GRXCR1: variants seen among roughly 807,000 people sequenced by gnomAD.
The protein encoded by GRXCR1 is glutaredoxin domain-containing cysteine-rich protein 1.
A neutral mutation model predicts 27.3 loss-of-function variants in GRXCR1; 27 were observed. The ratio of observed to expected loss-of-function variants is 0.99; its 90% CI spans 0.73 to 1.37. The LOEUF (loss-of-function observed/expected upper bound fraction) is 1.37. Among genes scored for constraint, GRXCR1 ranks in the 40% most tolerant of loss-of-function variants. The probability of loss-of-function intolerance (pLI) is 0.00; values close to 1 mark genes in which losing one functional copy is unlikely to be tolerated. For missense variants in GRXCR1, 379 were observed against 354.4 expected (o/e 1.07, Z -0.56); for synonymous variants, 122 against 131.1 (o/e 0.93, Z 0.47).
At chr4:42,929,272 T>C (rs560246386) in intron 1 of GRXCR1, among the ~76,000 whole-genome samples, 2 of 152,128 alleles carry the variant, frequency 1.3e-5, no homozygotes, top group African/African-American at 4.8e-5. Context: ...CAAGGCCTTA[T>C]AAGGATTCAC....
chr4:42,914,310 C>T (rs1462540874), intron 1 of GRXCR1, among the ~76,000 whole-genome samples: 1 of 152,206 alleles, frequency 6.6e-6, no homozygotes, highest in Non-Finnish European at 1.5e-5. Flanking sequence ...GTGGAGCTGC[C>T]CAAGGCCATG....
At chr4:42,964,300 A>T (rs1157307057) in intron 2 of GRXCR1, among the ~76,000 whole-genome samples, 2 of 152,044 alleles carry the variant, frequency 1.3e-5, no homozygotes, top group Middle Eastern at 3.2e-3. Context: ...CTGTCATTTC[A>T]TGTAATCCTC....
At position 42,974,088 on chromosome 4, in the gene GRXCR1, G is replaced by T. The variant is rs191977080; in HGVS notation, c.627+10954G>T. Among the ~76,000 whole-genome samples the T allele has an allele frequency of 1.5e-4, 23 of 152,246 alleles. 1 individual carries two copies. The highest frequency in any genetic ancestry group is 1.3e-3 in the Admixed American group (20 of 15,262). On this transcript the variant is annotated intron_variant, in intron 2 of 3. Transcript: ENST00000399770. Reference sequence around the variant, plus strand: ...TTGCACTGAGACAGCAGGGTTTGCAGCAGAGAAAGAGTTTAATGATTGCAG... The same window carrying T: ...TTGCACTGAGACAGCAGGGTTTGCATCAGAGAAAGAGTTTAATGATTGCAG...
At chr4:42,942,834 T>TA (rs1372279801) in intron 1 of GRXCR1, among the ~76,000 whole-genome samples, 4 of 152,086 alleles carry the variant, frequency 2.6e-5, no homozygotes, top group Non-Finnish European at 5.9e-5. Context: ...TGGAAAGTAA[T>TA]AAAAAATAGA....
chr4:42,917,639 T>C (rs1746914035), intron 1 of GRXCR1, among the ~76,000 whole-genome samples: 2 of 152,108 alleles, frequency 1.3e-5, no homozygotes, highest in South Asian at 2.1e-4. Context: ...GAGGGCTTTT[T>C]AGAGTTCCTG....
chr4:42,967,542 C>T (rs1221415988), intron 2 of GRXCR1, among the ~76,000 whole-genome samples: 7 of 152,068 alleles, frequency 4.6e-5, no homozygotes, highest in Admixed American at 4.6e-4. Flanking sequence ...CCGTTTCAAC[C>T]TACTTATCTG....
chr4:42,972,935 G>T (rs548261085), intron 2 of GRXCR1, among the ~76,000 whole-genome samples: 2 of 151,890 alleles, frequency 1.3e-5, no homozygotes, highest in East Asian at 2.0e-4. Flanking sequence ...ACTTAGTAAC[G>T]TCCTGCTTTG....
At chr4:42,997,110 A>G (rs1220426978) in intron 2 of GRXCR1, among the ~76,000 whole-genome samples, 1 of 152,200 alleles carries the variant, frequency 6.6e-6, no homozygotes, top group Non-Finnish European at 1.5e-5. Flanking sequence ...ATTTTAATTT[A>G]TATAAATATG....
At chr4:42,950,618 A>G (rs974724405) in intron 1 of GRXCR1, among the ~76,000 whole-genome samples, 2 of 152,214 alleles carry the variant, frequency 1.3e-5, no homozygotes, top group Non-Finnish European at 2.9e-5. Flanking sequence ...TCTTCCAGCT[A>G]TGACACTTTG....
At chr4:43,030,312 A>G (rs775812599) in intron 3 of GRXCR1, 49 bp from the exon 4 acceptor site, 1 of 1,568,660 alleles carries the variant, frequency 6.4e-7, no homozygotes, top group Admixed American at 1.7e-5. Flanking sequence ...TGAGTTGTTC[A>G]TGCTAACACA....
intron 2 of GRXCR1, among the ~76,000 whole-genome samples, chr4:42,981,471 T>C (rs1257987587): frequency 6.6e-6 from 1 of 152,220 alleles, no homozygotes; most frequent in Non-Finnish European, 1.5e-5. Context: ...ATATAAGTGA[T>C]GTACAAACCA....
At chr4:42,987,213 A>T (rs1711758572) in intron 2 of GRXCR1, among the ~76,000 whole-genome samples, 2 of 38,380 alleles carry the variant, frequency 5.2e-5, no homozygotes, top group Non-Finnish European at 8.6e-5. Context: ...TATATATATT[A>T]TATATATATT....
chr4:42,945,698 AG>A (rs370677314), intron 1 of GRXCR1, among the ~76,000 whole-genome samples: 7 of 152,252 alleles, frequency 4.6e-5, no homozygotes, highest in African/African-American at 1.7e-4. Flanking sequence ...GATGATGTGA[AG>A]GGCACAGGCT....
intron 2 of GRXCR1, among the ~76,000 whole-genome samples, chr4:42,967,102 G>A (rs1232378049): frequency 6.6e-6 from 1 of 151,942 alleles, no homozygotes; most frequent in Admixed American, 6.6e-5. Flanking sequence ...TACTTTTGAT[G>A]TTGTATCTAA....
At chr4:42,894,242 A>G (rs1746299394) in intron 1 of GRXCR1, among the ~76,000 whole-genome samples, 1 of 152,120 alleles carries the variant, frequency 6.6e-6, no homozygotes, top group African/African-American at 2.4e-5. Context: ...CTATAAATGT[A>G]CAGACTGAGA....
chr4:43,007,533 A>G (rs1712601084), intron 2 of GRXCR1, among the ~76,000 whole-genome samples: 1 of 152,214 alleles, frequency 6.6e-6, no homozygotes, highest in South Asian at 2.1e-4. Context: ...GCCTCTGCAT[A>G]GAGAGGAGGT....
chr4:42,893,806 A>G (rs753249931), intron 1 of GRXCR1, among the ~76,000 whole-genome samples, 156 bp downstream of exon 1: 1 of 152,212 alleles, frequency 6.6e-6, no homozygotes, highest in African/African-American at 2.4e-5. Flanking sequence ...ACAGCTATCA[A>G]TTAAAAACTG....
intron 2 of GRXCR1, among the ~76,000 whole-genome samples, chr4:42,970,806 A>G (rs940193728): frequency 6.6e-6 from 1 of 152,170 alleles, no homozygotes; most frequent in African/African-American, 2.4e-5. Context: ...AAATTTCTTC[A>G]GCCAGCAGCT....
At chr4:42,904,321 G>A (rs1486151768) in intron 1 of GRXCR1, among the ~76,000 whole-genome samples, 5 of 152,122 alleles carry the variant, frequency 3.3e-5, no homozygotes, top group Admixed American at 6.6e-5. Context: ...CTAGACTCTT[G>A]AAAACATTCT....
Sources: allele counts gnomAD v4.1 joint callset (sites outside exome capture counted in the v4.1 genomes callset), GRCh38; gene constraint gnomAD v4.1.1; transcripts MANE v1.5; gene names NCBI Gene and HGNC (gene_info 2026-07-23, HGNC 2026-07-21).